CNTN5: variants seen among roughly 807,000 people sequenced by gnomAD.
CNTN5 encodes the protein contactin 5.
In CNTN5, 77 loss-of-function variants were observed where a neutral mutation model predicts 129.1. The observed-to-expected ratio is 0.60, with a 90% confidence interval of 0.50 to 0.72. CNTN5 has a LOEUF of 0.72. Ranked by LOEUF, CNTN5 falls within the 30% of genes least tolerant of loss-of-function variation. The probability of loss-of-function intolerance (pLI) is 0.00; values close to 1 mark genes in which losing one functional copy is unlikely to be tolerated. For missense variants in CNTN5, 1,478 were observed against 1,328.8 expected, an observed-to-expected ratio of 1.11 and a Z score of -1.75; for synonymous variants, 509 against 465.6, an observed-to-expected ratio of 1.09 and a Z score of -1.20.
At chr11:99,321,208 AC>A (rs1342878869) in intron 1 of CNTN5, among the ~76,000 whole-genome samples, 1 of 149,112 alleles carries the variant, frequency 6.7e-6, no homozygotes, top group African/African-American at 2.5e-5. Context: ...TTGCATACAC[AC>A]ACACACACAC....
chr11:99,208,091 T>C (rs1859573229), intron 1 of CNTN5, among the ~76,000 whole-genome samples: 1 of 152,206 alleles, frequency 6.6e-6, no homozygotes, highest in South Asian at 2.1e-4. Context: ...GGCAAATTGT[T>C]AGCTGCCAGA....
chr11:99,240,887 A>C (rs1358916145), intron 1 of CNTN5, among the ~76,000 whole-genome samples: 1 of 152,214 alleles, frequency 6.6e-6, no homozygotes, highest in Non-Finnish European at 1.5e-5. Flanking sequence ...GACTGTGTTA[A>C]TGTCAGGGTT....
At chr11:99,498,612 G>C (rs923700049) in intron 2 of CNTN5, among the ~76,000 whole-genome samples, 3 of 152,080 alleles carry the variant, frequency 2.0e-5, no homozygotes, top group African/African-American at 7.2e-5. Flanking sequence ...GTTTGAATAA[G>C]TTTGGTTTCC....
At chr11:99,676,519 A>T (rs1953291019) in intron 3 of CNTN5, among the ~76,000 whole-genome samples, 1 of 152,334 alleles carries the variant, frequency 6.6e-6, no homozygotes, top group South Asian at 2.1e-4. Flanking sequence ...GTGTTCTGGC[A>T]CATGTGAAAA....
intron 1 of CNTN5, among the ~76,000 whole-genome samples, chr11:99,216,617 A>T (rs541381835): frequency 1.3e-5 from 2 of 152,254 alleles, no homozygotes; most frequent in East Asian, 3.9e-4. Context: ...ATTTTTGTCT[A>T]TGTATAAAAA....
chr11:99,959,827 C>G (rs193126348), intron 8 of CNTN5, among the ~76,000 whole-genome samples: 2 of 152,230 alleles, frequency 1.3e-5, no homozygotes, highest in East Asian at 3.9e-4. Flanking sequence ...TTACATCGTT[C>G]AGTAACAGTC....
chr11:100,219,254 C>A (rs1949210615), intron 15 of CNTN5, among the ~76,000 whole-genome samples: 1 of 152,148 alleles, frequency 6.6e-6, no homozygotes, highest in African/African-American at 2.4e-5. Flanking sequence ...ATGCCTGTAT[C>A]CACAAATCTT....
At position 99,665,363 on chromosome 11, in the gene CNTN5, C is replaced by G. The variant is rs535323682; in HGVS notation, c.55+109094C>G. Among the ~76,000 whole-genome samples, 59 of 151,038 alleles carry G rather than the reference C, an allele frequency of 3.9e-4. 1 individual carries two copies. In the South Asian group the frequency reaches 0.011, roughly 29 times the overall value. ...AGTAGTAATCGTGGAGGAGGAGAAA[C>G]GTAACCAGAGAGCAAGGCAAGACAT... On this transcript the variant is annotated intron_variant, in intron 3 of 24. Coordinates refer to ENST00000524871, the MANE Select transcript of CNTN5 (RefSeq NM_014361.4).
intron 1 of CNTN5, among the ~76,000 whole-genome samples, chr11:99,312,251 G>A (rs767179918): frequency 2.0e-5 from 3 of 152,162 alleles, no homozygotes; most frequent in Non-Finnish European, 4.4e-5. Context: ...GAGTGGCAGT[G>A]TTTGAGAGGG....
chr11:100,248,088 G>A (rs1404851065), intron 16 of CNTN5, among the ~76,000 whole-genome samples: 1 of 152,140 alleles, frequency 6.6e-6, no homozygotes, highest in Non-Finnish European at 1.5e-5. Context: ...GTTTGGAAGT[G>A]TCTGTCCTCA....
chr11:99,707,025 C>T (rs1446186166), intron 3 of CNTN5, among the ~76,000 whole-genome samples: 1 of 151,272 alleles, frequency 6.6e-6, no homozygotes, highest in Non-Finnish European at 1.5e-5. Flanking sequence ...TATTAAAATC[C>T]ATATTTCACG....
intron 13 of CNTN5, among the ~76,000 whole-genome samples, chr11:100,132,340 G>T (rs1164698369): frequency 6.6e-6 from 1 of 152,094 alleles, no homozygotes; most frequent in Admixed American, 6.6e-5. Context: ...TGGATGTAAT[G>T]CATCTCATAT....
intron 1 of CNTN5, among the ~76,000 whole-genome samples, chr11:99,233,757 C>T (rs1861126759): frequency 6.6e-6 from 1 of 152,088 alleles, no homozygotes; most frequent in Non-Finnish European, 1.5e-5. Context: ...ACCATCCTGG[C>T]TGACCCGGTG....
At chr11:99,700,170 C>T (rs984867362) in intron 3 of CNTN5, among the ~76,000 whole-genome samples, 2 of 151,340 alleles carry the variant, frequency 1.3e-5, no homozygotes, top group Non-Finnish European at 1.5e-5. Context: ...CTCTTTAAAA[C>T]GTTATAACAT....
At chr11:99,225,063 T>C (rs1000311342) in intron 1 of CNTN5, among the ~76,000 whole-genome samples, 2 of 152,070 alleles carry the variant, frequency 1.3e-5, no homozygotes, top group African/African-American at 2.4e-5. Flanking sequence ...ACAATATATA[T>C]TTTAAAAGTT....
Position 99,834,607 on chromosome 11 carries a change from G to A in CNTN5, c.278-10245G>A, listed in dbSNP as rs866614985. Among the ~76,000 whole-genome samples, 8 of 152,236 alleles carry A rather than the reference G, an allele frequency of 5.3e-5. No individual in the cohort carries two copies. In the South Asian group the frequency reaches 6.2e-4, roughly 12 times the overall value. On this transcript the variant is annotated intron_variant, in intron 4 of 24. Transcript: ENST00000524871. ...TCATTTTTAAAAGAATTACCCGTAGGTAGTTAGAATATTCATTAATTTCAT... is the reference window on the plus strand; with the variant it reads ...TCATTTTTAAAAGAATTACCCGTAGATAGTTAGAATATTCATTAATTTCAT...
At chr11:99,668,761 T>C (rs1952905989) in intron 3 of CNTN5, among the ~76,000 whole-genome samples, 2 of 152,052 alleles carry the variant, frequency 1.3e-5, no homozygotes, top group South Asian at 4.2e-4. Flanking sequence ...GAACTTGAAC[T>C]CTACAAAAAC....
chr11:100,183,918 A>G (rs1475050753), intron 13 of CNTN5, among the ~76,000 whole-genome samples: 1 of 151,960 alleles, frequency 6.6e-6, no homozygotes, highest in Non-Finnish European at 1.5e-5. Flanking sequence ...CCCCTCCCTG[A>G]CCATCTCTCT....
At chr11:99,545,097 T>C (rs1214398094) in intron 2 of CNTN5, among the ~76,000 whole-genome samples, 1 of 152,202 alleles carries the variant, frequency 6.6e-6, no homozygotes, top group African/African-American at 2.4e-5. Flanking sequence ...CCCAAGTTTG[T>C]TGTTTGTTTG....
Sources: gnomAD v4.1 joint callset for allele counts (sites outside exome capture counted in the v4.1 genomes callset) on GRCh38, gnomAD v4.1.1 for gene constraint, MANE v1.5 for transcripts, NCBI Gene and HGNC (gene_info 2026-07-23, HGNC 2026-07-21) for gene names.